PTBP2: variants seen among roughly 807,000 people sequenced by gnomAD.
The protein encoded by PTBP2 is polypyrimidine tract-binding protein 2.
A neutral mutation model predicts 61.4 loss-of-function variants in PTBP2; 13 were observed. That is an observed-to-expected ratio of 0.21 (90% CI 0.14 to 0.34). The LOEUF is 0.34. PTBP2 is among the 10% of genes least tolerant of loss of function. PTBP2 has a pLI of 1.00. For missense variants in PTBP2, 405 were observed against 642.6 expected (o/e 0.63, Z 4.00); for synonymous variants, 215 against 218.5 (o/e 0.98, Z 0.14).
chr1:96,773,053 G>A (rs1336736330), intron 5 of PTBP2, among the ~76,000 whole-genome samples: 6 of 151,286 alleles, frequency 4.0e-5, no homozygotes, highest in African/African-American at 9.7e-5. Context: ...GAACCCGGGG[G>A]GGTGGAGCTT....
chr1:96,726,275 CTTTT>C (rs564018394), intron 2 of PTBP2, among the ~76,000 whole-genome samples: 1 of 125,656 alleles, frequency 8.0e-6, no homozygotes. Flanking sequence ...CACATCTTGC[CTTTT>C]TTTTTTTTTT....
chr1:96,725,500 C>T (rs373076664), intron 2 of PTBP2, among the ~76,000 whole-genome samples: 12 of 151,754 alleles, frequency 7.9e-5, no homozygotes, highest in Admixed American at 2.0e-4. Context: ...GGGGTTTCAC[C>T]GTGTTAGCCA....
intron 2 of PTBP2, among the ~76,000 whole-genome samples, chr1:96,729,287 G>A (rs892024660): frequency 6.6e-6 from 1 of 152,136 alleles, no homozygotes; most frequent in African/African-American, 2.4e-5. Flanking sequence ...CTCCCAAAGT[G>A]TTAAGATTAC....
chr1:96,764,456 G>C (rs183107078), intron 3 of PTBP2, among the ~76,000 whole-genome samples: 1 of 152,148 alleles, frequency 6.6e-6, no homozygotes, highest in Non-Finnish European at 1.5e-5. Flanking sequence ...TTGTAGCTAC[G>C]GAACTGGAAT....
intron 5 of PTBP2, among the ~76,000 whole-genome samples, chr1:96,772,798 A>G (rs970101961): frequency 1.7e-4 from 26 of 152,234 alleles, no homozygotes; most frequent in African/African-American, 6.3e-4. Context: ...TTAAAAGATT[A>G]AACGAAAGGA....
intron 3 of PTBP2, among the ~76,000 whole-genome samples, chr1:96,756,910 C>T (rs770283760): frequency 3.9e-5 from 6 of 152,056 alleles, no homozygotes; most frequent in Non-Finnish European, 7.4e-5. Flanking sequence ...TTGGAGTGAA[C>T]CTGGAGGTAA....
chr1:96,747,547 T>C (rs1654000090), intron 2 of PTBP2, among the ~76,000 whole-genome samples: 1 of 151,858 alleles, frequency 6.6e-6, no homozygotes, highest in Non-Finnish European at 1.5e-5. Flanking sequence ...CTTATTAAGA[T>C]AGTCAATTAA....
intron 8 of PTBP2, among the ~76,000 whole-genome samples, chr1:96,791,334 T>TTG (rs964151487): frequency 2.6e-5 from 4 of 152,156 alleles, no homozygotes; most frequent in Admixed American, 6.5e-5. Flanking sequence ...TTCTTTACTT[T>TTG]TGTGTGTGTG....
rs929025755 is a variant in PTBP2 at position 96,785,997 on chromosome 1, GTTTCC to G, written c.904+747_904+751del. Among the ~76,000 whole-genome samples the G allele has an allele frequency of 8.5e-5, 13 of 152,140 alleles. 1 individual carries two copies. Among genetic ancestry groups the G allele is most frequent in the African/African-American group, 3.1e-4 (13 of 41,526 alleles). On this transcript the variant is annotated intron_variant, in intron 8 of 13. Transcript: ENST00000674951. ...TTATAAGTTAAGATGGAATTTTAGA[GTTTCC>G]TTTTATTTGATGTATTTCTTGATTT...
intron 8 of PTBP2, among the ~76,000 whole-genome samples, chr1:96,786,466 C>T (rs1194550793): frequency 6.6e-6 from 1 of 152,088 alleles, no homozygotes; most frequent in Non-Finnish European, 1.5e-5. Flanking sequence ...TAGCTTAATT[C>T]GTAATTCAAG....
chr1:96,802,767 T>G (rs1661149441), intron 8 of PTBP2, among the ~76,000 whole-genome samples: 1 of 152,210 alleles, frequency 6.6e-6, no homozygotes, highest in South Asian at 2.1e-4. Flanking sequence ...ATTTTTAAGA[T>G]ACTGTTTTTC....
chr1:96,726,236 G>A lies in PTBP2; in HGVS notation c.39+2642G>A, dbSNP rs375757344. ...CACACATATAAACATCTTTATTTAC[G>A]TGATTGAATTCAAACTATTGTTTTG... On this transcript the variant is annotated intron_variant, in intron 2 of 13. Coordinates refer to ENST00000674951, the MANE Select transcript of PTBP2 (RefSeq NM_021190.4). Among the ~76,000 whole-genome samples, 34 of 147,952 alleles carry A rather than the reference G, an allele frequency of 2.3e-4. 1 individual carries two copies. In the South Asian group the frequency reaches 3.6e-3, roughly 16 times the overall value.
At chr1:96,744,474 C>T (rs1015498071) in intron 2 of PTBP2, among the ~76,000 whole-genome samples, 19 of 152,006 alleles carry the variant, frequency 1.2e-4, no homozygotes, top group African/African-American at 4.6e-4. Flanking sequence ...TAAAAAATGT[C>T]TTATTACATA....
chr1:96,721,929 G>C, intron 1 of PTBP2, 57 bp downstream of exon 1: 1 of 1,556,856 alleles, frequency 6.4e-7, no homozygotes, highest in Non-Finnish European at 8.7e-7. Flanking sequence ...ACCGTCCTTC[G>C]GCCCGGTCCC....
chr1:96,726,074 C>CAAAAAAAAA (rs762152365), intron 2 of PTBP2, among the ~76,000 whole-genome samples: 30 of 54,218 alleles, frequency 5.5e-4, no homozygotes, highest in Non-Finnish European at 6.7e-4. Flanking sequence ...GACTCTATCT[C>CAAAAAAAAA]AAAAAAAAAA....
intron 2 of PTBP2, among the ~76,000 whole-genome samples, chr1:96,737,081 G>A (rs1221142271): frequency 6.6e-6 from 1 of 151,682 alleles, no homozygotes; most frequent in South Asian, 2.1e-4. Flanking sequence ...CTGGGTTCAC[G>A]CCATTCTCCT....
chr1:96,757,066 T>A (rs1053549508), intron 3 of PTBP2, among the ~76,000 whole-genome samples: 1 of 152,190 alleles, frequency 6.6e-6, no homozygotes, highest in Non-Finnish European at 1.5e-5. Context: ...TTTTGCTGTG[T>A]ACCTAAACTT....
chr1:96,809,323 A>G (rs1318771073), intron 11 of PTBP2, among the ~76,000 whole-genome samples: 1 of 152,238 alleles, frequency 6.6e-6, no homozygotes, highest in Non-Finnish European at 1.5e-5. Context: ...TTTTAAACGC[A>G]TATGGAACAT....
At chr1:96,775,516 G>A (rs1324440623) in intron 5 of PTBP2, among the ~76,000 whole-genome samples, 2 of 152,160 alleles carry the variant, frequency 1.3e-5, no homozygotes, top group Non-Finnish European at 2.9e-5. Context: ...ATTGGAAGAA[G>A]CCAAACCAAA....
Sources: gnomAD v4.1 joint callset for allele counts (sites outside exome capture counted in the v4.1 genomes callset) on GRCh38, gnomAD v4.1.1 for gene constraint, MANE v1.5 for transcripts, NCBI Gene and HGNC (gene_info 2026-07-23, HGNC 2026-07-21) for gene names.